The following NEBL variants were observed in gnomAD, a reference collection of about 807,000 sequenced individuals.
NEBL encodes the protein LIM and SH3 protein 2.
In NEBL, 122 loss-of-function variants were observed where a neutral mutation model predicts 140.2. The observed-to-expected ratio is 0.87, with a 90% confidence interval of 0.75 to 1.01. The LOEUF (loss-of-function observed/expected upper bound fraction) is 1.01, where lower values mean the gene tolerates loss of function less well. Among genes scored for constraint, NEBL ranks in the 50% least tolerant of loss-of-function variants. The pLI is 0.00. For missense variants in NEBL, 1,365 were observed against 1,231.3 expected, an observed-to-expected ratio of 1.11 and a Z score of -1.62; for synonymous variants, 436 against 398.9, an observed-to-expected ratio of 1.09 and a Z score of -1.11.
At chr10:21,177,390 G>A (rs1841317997), upstream of NEBL, among the ~76,000 whole-genome samples, 1 of 152,192 alleles carries the variant, frequency 6.6e-6, no homozygotes, top group African/African-American at 2.4e-5. Flanking sequence ...ATAAGTCACT[G>A]AGATTTGGGG....
chr10:20,896,492 A>ATATATATATATATATAT (rs1554801798), intron 2 of NEBL, among the ~76,000 whole-genome samples: 2 of 65,964 alleles, frequency 3.0e-5, no homozygotes, highest in East Asian at 1.7e-3. Flanking sequence ...GCATATATAT[A>ATATATATATATATATAT]TATATATATA....
At chr10:20,971,904 C>T (rs1163140192) in intron 3 of NEBL, among the ~76,000 whole-genome samples, 1 of 152,062 alleles carries the variant, frequency 6.6e-6, no homozygotes, top group East Asian at 1.9e-4. Context: ...TGAGCCACCA[C>T]GCCCAGCCAT....
chr10:20,798,476 T>A (rs976448615), intron 26 of NEBL, among the ~76,000 whole-genome samples: 2 of 152,228 alleles, frequency 1.3e-5, no homozygotes, highest in African/African-American at 4.8e-5. Flanking sequence ...TAAGTATGCA[T>A]ATCTGTTCAG....
intron 4 of NEBL, among the ~76,000 whole-genome samples, chr10:20,959,521 A>C (rs1835953606): frequency 6.6e-6 from 1 of 152,160 alleles, no homozygotes; most frequent in South Asian, 2.1e-4. Flanking sequence ...TTTCTTATAG[A>C]AAAAGATCCT....
At chr10:21,241,406 T>C (rs1272920373) in intron 3 of NEBL, among the ~76,000 whole-genome samples, 2 of 152,116 alleles carry the variant, frequency 1.3e-5, no homozygotes, top group African/African-American at 4.8e-5. Context: ...GGCGCATCTG[T>C]GGCTGTTCTG....
intron 2 of NEBL, among the ~76,000 whole-genome samples, chr10:21,163,378 C>A (rs1030328820): frequency 6.6e-6 from 1 of 152,146 alleles, no homozygotes; most frequent in African/African-American, 2.4e-5. Context: ...GTTATCCAAA[C>A]AGGCCATCAA....
intron 3 of NEBL, among the ~76,000 whole-genome samples, chr10:21,012,317 G>C (rs949518583): frequency 6.6e-6 from 1 of 151,986 alleles, no homozygotes; most frequent in Non-Finnish European, 1.5e-5. Context: ...ATTTATGTGA[G>C]AGAAAGATGA....
At chr10:21,132,548 T>C (rs1030538465) in intron 2 of NEBL, among the ~76,000 whole-genome samples, 6 of 152,214 alleles carry the variant, frequency 3.9e-5, no homozygotes. Context: ...GTTTAAATTT[T>C]GAGGAAATGC....
chr10:20,981,920 C>A (rs1190581574), intron 3 of NEBL, among the ~76,000 whole-genome samples: 1 of 152,182 alleles, frequency 6.6e-6, no homozygotes, highest in Non-Finnish European at 1.5e-5. Flanking sequence ...ACCAACAATG[C>A]CAATGACAAT....
intron 5 of NEBL, 149 bp from the exon 6 acceptor site, chr10:20,869,990 T>G: frequency 1.5e-6 from 1 of 664,980 alleles, no homozygotes; most frequent in Non-Finnish European, 2.7e-6. Context: ...TCTATTTGTA[T>G]AGCTATATTA....
intron 13 of NEBL, among the ~76,000 whole-genome samples, chr10:20,838,066 C>T (rs1299972884): frequency 6.6e-6 from 1 of 152,134 alleles, no homozygotes; most frequent in African/African-American, 2.4e-5. Flanking sequence ...CATTCTGCAG[C>T]CCATGGATCA....
At chr10:21,035,686 G>A (rs1833987285) in intron 2 of NEBL, among the ~76,000 whole-genome samples, 1 of 152,176 alleles carries the variant, frequency 6.6e-6, no homozygotes, top group East Asian at 1.9e-4. Flanking sequence ...AGAACTTTGT[G>A]GAAGGTCTGA....
intron 2 of NEBL, among the ~76,000 whole-genome samples, chr10:21,043,837 T>C (rs1834376822): frequency 6.6e-6 from 1 of 152,206 alleles, no homozygotes; most frequent in African/African-American, 2.4e-5. Context: ...TGTAAGTTTA[T>C]GTATTTGTTT....
At chr10:20,804,386 A>G (rs1255647527) in intron 26 of NEBL, 1 of 152,188 alleles carries the variant, frequency 6.6e-6, no homozygotes, top group Non-Finnish European at 1.5e-5. Context: ...AGTTTTCTTG[A>G]TAAGTGGATC....
At chr10:21,078,641 A>G (rs1445699339) in intron 2 of NEBL, among the ~76,000 whole-genome samples, 1 of 152,206 alleles carries the variant, frequency 6.6e-6, no homozygotes, top group Non-Finnish European at 1.5e-5. Flanking sequence ...TTTGAGTGGG[A>G]CTTTAAAGGT....
intron 2 of NEBL, among the ~76,000 whole-genome samples, chr10:21,027,405 G>A (rs555576237): frequency 1.3e-5 from 2 of 150,280 alleles, no homozygotes; most frequent in East Asian, 2.0e-4. Flanking sequence ...ACACATCACC[G>A]CAGCCTCGAC....
rs10541564 is a variant in NEBL, at chr10:21,096,488, A to AGTGTGTGTGT, written c.164+75885_164+75894dup. Among the ~76,000 whole-genome samples the AGTGTGTGTGT allele has an allele frequency of 6.6e-3, 931 of 141,562 alleles. 8 individuals carry two copies. The highest frequency in any genetic ancestry group is 0.019 in the African/African-American group (760 of 39,342). 92.9% of individuals were successfully genotyped at this position (141,562 alleles called of 152,430 possible). On this transcript the variant is annotated intron_variant, in intron 2 of 6. Transcript: ENST00000417816. Reference sequence around the variant, plus strand: ...CGGGCTTTAGAGCAACTTGGTTTTGAGTGTGTGTGTGTGTGTGTGTGTGTG... The same window carrying AGTGTGTGTGT: ...CGGGCTTTAGAGCAACTTGGTTTTGAGTGTGTGTGTGTGTGTGTGTGTGTGTGTGTGTGTG...
chr10:21,036,033 C>T (rs1003311797), intron 2 of NEBL, among the ~76,000 whole-genome samples: 13 of 151,908 alleles, frequency 8.6e-5, no homozygotes, highest in Non-Finnish European at 1.6e-4. Context: ...CATGGTGGCG[C>T]GCACCTGTAA....
chr10:21,001,987 T>C (rs1837923099), intron 3 of NEBL, among the ~76,000 whole-genome samples: 1 of 152,164 alleles, frequency 6.6e-6, no homozygotes, highest in South Asian at 2.1e-4. Flanking sequence ...AAGCCAACCC[T>C]TTTTCTCTGC....
Sources: allele counts gnomAD v4.1 joint callset (sites outside exome capture counted in the v4.1 genomes callset), GRCh38; gene constraint gnomAD v4.1.1; transcripts MANE v1.5; gene names NCBI Gene and HGNC (gene_info 2026-07-23, HGNC 2026-07-21).